The following ARHGEF10L variants were observed in gnomAD, a reference collection of about 807,000 sequenced individuals.
The protein encoded by ARHGEF10L is rho guanine nucleotide exchange factor 10-like protein.
Under a neutral mutation model 141.2 loss-of-function variants are expected in ARHGEF10L, and 69 were observed. The ratio of observed to expected loss-of-function variants is 0.49; its 90% CI spans 0.40 to 0.60. The LOEUF (loss-of-function observed/expected upper bound fraction) is 0.60, where lower values mean the gene tolerates loss of function less well. Among genes scored for constraint, ARHGEF10L ranks in the 20% least tolerant of loss-of-function variants. ARHGEF10L has a pLI of 0.00. For missense variants in ARHGEF10L, 1,482 were observed against 1,734.3 expected, an observed-to-expected ratio of 0.85 and a Z score of 2.58; for synonymous variants, 711 against 718.5, an observed-to-expected ratio of 0.99 and a Z score of 0.17.
At chr1:17,583,825 G>A (rs868455535) in intron 2 of ARHGEF10L, among the ~76,000 whole-genome samples, 1 of 152,030 alleles carries the variant, frequency 6.6e-6, no homozygotes, top group Non-Finnish European at 1.5e-5. Context: ...TAGTGGGTAG[G>A]GACTTTGTGG....
intron 25 of ARHGEF10L, among the ~76,000 whole-genome samples, chr1:17,657,701 G>A (rs183972648): frequency 6.6e-6 from 1 of 152,268 alleles, no homozygotes; most frequent in East Asian, 1.9e-4. Context: ...AGGGGGAAGA[G>A]GGAGGGAAAA....
intron 4 of ARHGEF10L, among the ~76,000 whole-genome samples, chr1:17,601,051 A>G (rs1194816970): frequency 7.4e-6 from 1 of 135,506 alleles, no homozygotes; most frequent in African/African-American, 3.1e-5. Context: ...CTCTGTCTCA[A>G]AAAAAAAAAA....
At chr1:17,608,765 A>G (rs951301770) in intron 7 of ARHGEF10L, among the ~76,000 whole-genome samples, 1 of 151,964 alleles carries the variant, frequency 6.6e-6, no homozygotes, top group South Asian at 2.1e-4. Context: ...CGTCCCTCTC[A>G]GGCTACTTTT....
intron 1 of ARHGEF10L, among the ~76,000 whole-genome samples, chr1:17,564,593 G>A (rs1037916578): frequency 2.0e-5 from 3 of 152,196 alleles, no homozygotes; most frequent in Non-Finnish European, 2.9e-5. Context: ...CACAGGCTCT[G>A]CAGCCACGTG....
the ARHGEF10L span, among the ~76,000 whole-genome samples, chr1:17,521,184 C>CT: frequency 6.6e-6 from 1 of 152,092 alleles, no homozygotes; most frequent in African/African-American, 2.4e-5. Flanking sequence ...GGAGAGCTCA[C>CT]TGTTTTGTTT....
At chr1:17,592,244 C>G (rs1412086469) in intron 4 of ARHGEF10L, among the ~76,000 whole-genome samples, 3 of 152,200 alleles carry the variant, frequency 2.0e-5, no homozygotes, top group Admixed American at 6.5e-5. Context: ...ACTCTGGCCC[C>G]CTCTGGAGTT....
At chr1:17,524,438 G>A in the ARHGEF10L span, among the ~76,000 whole-genome samples, 1 of 146,280 alleles carries the variant, frequency 6.8e-6, no homozygotes, top group African/African-American at 2.6e-5. Flanking sequence ...GCCTGGTGTG[G>A]TGGCTCGCCT....
chr1:17,542,800 C>A (rs951804571), intron 1 of ARHGEF10L, among the ~76,000 whole-genome samples: 1 of 152,158 alleles, frequency 6.6e-6, no homozygotes, highest in Non-Finnish European at 1.5e-5. Flanking sequence ...AAGTGACTGT[C>A]GAAGGTCACT....
chr1:17,625,903 A>C lies in ARHGEF10L; in HGVS notation c.1318-53A>C. Reference sequence around the variant, plus strand: ...GGGGACAGTGTCTGGACTCTGGGGCACTGGGCCCTCTCTGCAGGGGGTCAG... The same window carrying C: ...GGGGACAGTGTCTGGACTCTGGGGCCCTGGGCCCTCTCTGCAGGGGGTCAG... On this transcript the variant is annotated intron_variant, in intron 13 of 28. Transcript: ENST00000361221. The surrounding 1 kb of genome is among the most constrained non-coding windows in gnomAD (Gnocchi z 4.5). 1 of 1,513,224 alleles carries C rather than the reference A, an allele frequency of 6.6e-7. No individual in the cohort carries two copies. Among genetic ancestry groups the C allele is most frequent in the Non-Finnish European group, 9.2e-7 (1 of 1,091,024 alleles). 93.7% of individuals were successfully genotyped at this position (1,513,224 alleles called of 1,614,324 possible). A position where few individuals can be genotyped will look rare whatever the true frequency, so the allele number is the denominator to read the frequency against.
chr1:17,631,089 G>T (rs1487959186), intron 15 of ARHGEF10L, among the ~76,000 whole-genome samples: 1 of 150,768 alleles, frequency 6.6e-6, no homozygotes, highest in East Asian at 2.0e-4. Context: ...GGGTTGCCTG[G>T]GGGTGATCTG....
chr1:17,547,150 G>C (rs534676547), intron 1 of ARHGEF10L, among the ~76,000 whole-genome samples: 251 of 152,318 alleles, frequency 1.6e-3, no homozygotes, highest in African/African-American at 5.8e-3. Context: ...TTGACCACTT[G>C]GCCACAGGCC....
At chr1:17,586,837 A>T (rs150387904) in intron 2 of ARHGEF10L, among the ~76,000 whole-genome samples, 3 of 152,186 alleles carry the variant, frequency 2.0e-5, no homozygotes, top group Non-Finnish European at 2.9e-5. Flanking sequence ...AGGAGTTCAT[A>T]GTCACGAAAG....
chr1:17,600,543 G>A (rs567356788), intron 4 of ARHGEF10L, among the ~76,000 whole-genome samples: 1 of 152,138 alleles, frequency 6.6e-6, no homozygotes, highest in Admixed American at 6.5e-5. Context: ...ACATGGCCTT[G>A]GCACAGTTGT....
upstream of ARHGEF10L, among the ~76,000 whole-genome samples, chr1:17,539,467 G>A (rs2100577643): frequency 6.6e-6 from 1 of 151,642 alleles, no homozygotes; most frequent in Admixed American, 6.6e-5. The surrounding 1 kb of genome is among the most constrained non-coding windows in gnomAD (Gnocchi z 6.0). Flanking sequence ...AGGTCGCCGT[G>A]TGGCCGGGGC....
chr1:17,573,462 G>A lies in ARHGEF10L; in HGVS notation c.-43-7091G>A, dbSNP rs879738542. On this transcript the variant is annotated intron_variant, in intron 1 of 28. Transcript: ENST00000361221. This position sits in a 1 kb window ranked among gnomAD's most constrained non-coding sequence, Gnocchi z 4.8. Reference sequence around the variant, plus strand: ...AGGGTCTGGGGTTCTCTGGAGAAGAGGGGGGTCAGTTCAGCTGATGGCAGG... The same window carrying A: ...AGGGTCTGGGGTTCTCTGGAGAAGAAGGGGGTCAGTTCAGCTGATGGCAGG... Among the ~76,000 whole-genome samples, 1 of 152,208 alleles carries A rather than the reference G, an allele frequency of 6.6e-6. No homozygotes were observed. The highest frequency in any genetic ancestry group is 1.5e-5 in the Non-Finnish European group (1 of 68,026).
the ARHGEF10L span, among the ~76,000 whole-genome samples, chr1:17,522,297 G>A: frequency 3.3e-5 from 5 of 152,234 alleles, no homozygotes; most frequent in Non-Finnish European, 2.9e-5. Flanking sequence ...TCATCCTAAG[G>A]TGTTGGACAG....
intron 27 of ARHGEF10L, among the ~76,000 whole-genome samples, chr1:17,691,489 G>C (rs2065104760): frequency 6.6e-6 from 1 of 152,144 alleles, no homozygotes; most frequent in Non-Finnish European, 1.5e-5. Flanking sequence ...GGGGGTCTTG[G>C]AGAGGGAGGC....
chr1:17,602,178 G>C lies in ARHGEF10L; in HGVS notation c.309G>C (p.Gly103=). Residue 103 remains glycine, a synonymous_variant, in exon 5 of 29, where the codon GGG becomes GGC. Coordinates refer to ENST00000361221, the MANE Select transcript of ARHGEF10L (RefSeq NM_018125.4). ...NGDAADAAFS[G]ARHSSWKRKS... is the part of the protein sequence containing the mutation. ...ATGCAGCGGACGCAGCCTTCTCCGG[G>C]GCCCGGCACTCCAGCTGGAAGCGGA... 1.3e-6 allele frequency: 2 copies of C among 1,582,798 alleles called. No individual in the cohort carries two copies. The highest frequency in any genetic ancestry group is 1.2e-5 in the South Asian group (1 of 86,506).
At chr1:17,551,182 G>A (rs111562477) in intron 1 of ARHGEF10L, among the ~76,000 whole-genome samples, 59 of 152,090 alleles carry the variant, frequency 3.9e-4, no homozygotes, top group Non-Finnish European at 1.8e-4. Context: ...GTCTGTCCTT[G>A]CATTCCTCTC....
Sources: allele counts gnomAD v4.1 joint callset (sites outside exome capture counted in the v4.1 genomes callset), GRCh38; gene constraint gnomAD v4.1.1; non-coding constraint Gnocchi (gnomAD v3.1); transcripts MANE v1.5; gene names NCBI Gene and HGNC (gene_info 2026-07-23, HGNC 2026-07-21).